The following PDE9A variants were observed in gnomAD, a reference collection of about 807,000 sequenced individuals.
PDE9A encodes phosphodiesterase 9A, also known as high affinity cGMP-specific 3',5'-cyclic phosphodiesterase 9A.
Under a neutral mutation model 87.4 loss-of-function variants are expected in PDE9A, and 60 were observed. The observed-to-expected ratio is 0.69, with a 90% CI of 0.56 to 0.85. The LOEUF (loss-of-function observed/expected upper bound fraction) is 0.85, where lower values mean the gene tolerates loss of function less well. PDE9A is among the 40% of genes least tolerant of loss of function. The pLI is 0.00. For synonymous variants in PDE9A, 272 were observed against 279.4 expected (o/e 0.97, Z 0.27); for missense variants, 665 against 779.0 (o/e 0.85, Z 1.74).
chr21:42,735,891 G>A (rs2052355087), intron 7 of PDE9A, among the ~76,000 whole-genome samples: 1 of 152,162 alleles, frequency 6.6e-6, no homozygotes, highest in Admixed American at 6.5e-5. Flanking sequence ...TCTGCACTGG[G>A]AGGCTGGCTC....
chr21:42,772,618 T>C (rs1270541439), intron 19 of PDE9A, 98 bp downstream of exon 19: 1 of 845,306 alleles, frequency 1.2e-6, no homozygotes, highest in African/African-American at 1.7e-5. Context: ...AATTTTGGAA[T>C]ACCTTTAAAT....
chr21:42,668,853 C>T (rs1019118769), intron 1 of PDE9A, among the ~76,000 whole-genome samples: 1 of 146,994 alleles, frequency 6.8e-6, no homozygotes, highest in Admixed American at 6.9e-5. Flanking sequence ...GAACATCCTC[C>T]GTCGGGAGAG....
chr21:42,758,333 T>C (rs2055294756), intron 10 of PDE9A: 2 of 152,060 alleles, frequency 1.3e-5, no homozygotes, highest in Admixed American at 1.3e-4. Flanking sequence ...AACAGGGATA[T>C]TGATAGAAGA....
intron 4 of PDE9A, among the ~76,000 whole-genome samples, chr21:42,701,781 G>C (rs1057157262): frequency 2.0e-5 from 3 of 152,138 alleles, no homozygotes; most frequent in Admixed American, 6.5e-5. Flanking sequence ...GAGAATTTTA[G>C]TTTCACAGTT....
Position 42,731,844 on chromosome 21 carries a change from G to A in PDE9A, c.337G>A (p.Gly113Ser). ...ACCACTGAGGGACAGACGGGTTGTG[G>A]GCCTGGAGCAGCCCCGGAGGGAAGG... ...ERPLRDRRVV[G>S]LEQPRREGAF... The change falls in exon 5 of 20, where the codon GGC becomes AGC. Residue 113 changes from glycine to serine, a missense_variant. Gly to Ser is a moderately conservative substitution (Grantham distance 56). Transcript: ENST00000291539. The A allele has an allele frequency of 6.2e-7, 1 of 1,614,202 alleles. No individual in the cohort carries two copies. The highest frequency in any genetic ancestry group is 1.1e-5 in the South Asian group (1 of 91,084).
intron 4 of PDE9A, among the ~76,000 whole-genome samples, chr21:42,700,500 C>T (rs2048297249): frequency 6.6e-6 from 1 of 152,180 alleles, no homozygotes; most frequent in Non-Finnish European, 1.5e-5. Context: ...TCTGACGTTT[C>T]TCTCACGACC....
rs527507881 is a variant in PDE9A, at chr21:42,722,101, G to A, written c.263-9669G>A. Among the ~76,000 whole-genome samples the A allele has an allele frequency of 4.6e-5, 7 of 151,934 alleles. No individual in the cohort carries two copies. The highest frequency in any genetic ancestry group is 2.1e-4 in the South Asian group (1 of 4,810). On this transcript the variant is annotated intron_variant, in intron 4 of 19. Coordinates refer to ENST00000291539, the MANE Select transcript of PDE9A (RefSeq NM_002606.3). The surrounding 1 kb of genome is among the most constrained non-coding windows in gnomAD (Gnocchi z 4.1). ...AGTGATTCTCCTGCCTCAGCCTCCC[G>A]AGTAGCTGGGATTACAGGCACGTAC...
chr21:42,740,443 CAAA>C (rs56151302), intron 7 of PDE9A, among the ~76,000 whole-genome samples: 1 of 114,094 alleles, frequency 8.8e-6, no homozygotes, highest in Non-Finnish European at 2.0e-5. Context: ...GCCCCTGTCT[CAAA>C]AAAAAAAAAA....
intron 1 of PDE9A, among the ~76,000 whole-genome samples, chr21:42,670,489 TAC>T (rs1004113603): frequency 1.3e-5 from 2 of 150,008 alleles, no homozygotes; most frequent in African/African-American, 4.9e-5. Context: ...CACATACACT[TAC>T]ACACGCACTC....
At position 42,735,270 on chromosome 21, in the gene PDE9A, T is replaced by C. The variant is rs545086257; in HGVS notation, c.568+1844T>C. ...CCCCCGGAGGCTCCACAACCACTTA[T>C]GCAGATATCAGGCTGCTTCTCCATG... On this transcript the variant is annotated intron_variant, in intron 7 of 19. Transcript: ENST00000291539. Among the ~76,000 whole-genome samples the C allele has an allele frequency of 2.6e-4, 40 of 152,318 alleles. No individual in the cohort carries two copies. The South Asian group carries it at 6.4e-3, about 24-fold the overall frequency.
chr21:42,765,664 A>G (rs1258681735), intron 15 of PDE9A, 170 bp downstream of exon 15: 2 of 630,556 alleles, frequency 3.2e-6, no homozygotes, highest in Admixed American at 2.4e-5. Flanking sequence ...AAGTCCGGGC[A>G]GGGCCTCCCT....
chr21:42,697,872 C>T (rs1057163411), intron 3 of PDE9A, among the ~76,000 whole-genome samples: 1 of 152,138 alleles, frequency 6.6e-6, no homozygotes, highest in Non-Finnish European at 1.5e-5. Context: ...GGTGCCTCAA[C>T]ATTCAGACCC....
rs1000235959 is a variant in PDE9A, at chr21:42,759,219, C to T, written c.897+134C>T. On this transcript the variant is annotated intron_variant, in intron 11 of 19. Coordinates refer to ENST00000291539, the MANE Select transcript of PDE9A (RefSeq NM_002606.3). This position sits in a 1 kb window ranked among gnomAD's most constrained non-coding sequence, Gnocchi z 7.2. ...CCTGTGAGCAGAGGTGACATTTCCC[C>T]GGGAGTTCTGTGAGGACACTCAGCC... The T allele has an allele frequency of 1.2e-4, 81 of 663,138 alleles. No individual in the cohort carries two copies. The highest frequency in any genetic ancestry group is 9.2e-4 in the South Asian group (52 of 56,764). 41.1% of individuals were successfully genotyped at this position (663,138 alleles called of 1,614,324 possible). A position where few individuals can be genotyped will look rare whatever the true frequency, so the allele number is the denominator to read the frequency against.
At chr21:42,685,315 G>A (rs1001749054) in intron 1 of PDE9A, among the ~76,000 whole-genome samples, 2 of 152,234 alleles carry the variant, frequency 1.3e-5, no homozygotes, top group African/African-American at 4.8e-5. Flanking sequence ...GGGAGCGAGC[G>A]CGGCCATCCC....
Position 42,723,134 on chromosome 21 carries a change from G to C in PDE9A, c.263-8636G>C, listed in dbSNP as rs555652341. ...GCTGGCAGCCCATAGGCCCCTCCTTGGTCCCTCTAGAGGTTTGCTTCATTC... is the reference window on the plus strand; with the variant it reads ...GCTGGCAGCCCATAGGCCCCTCCTTCGTCCCTCTAGAGGTTTGCTTCATTC... On this transcript the variant is annotated intron_variant, in intron 4 of 19. Coordinates refer to ENST00000291539, the MANE Select transcript of PDE9A (RefSeq NM_002606.3). This position sits in a 1 kb window ranked among gnomAD's most constrained non-coding sequence, Gnocchi z 4.3. Among the ~76,000 whole-genome samples, 16 of 152,194 alleles carry C rather than the reference G, an allele frequency of 1.1e-4. No individual in the cohort carries two copies. The highest frequency in any genetic ancestry group is 1.8e-4 in the Non-Finnish European group (12 of 68,034).
intron 1 of PDE9A, among the ~76,000 whole-genome samples, chr21:42,663,348 G>A (rs1478579966): frequency 4.6e-5 from 7 of 151,996 alleles, no homozygotes; most frequent in African/African-American, 1.5e-4. Context: ...CACCACACAC[G>A]CACAGTATGA....
Position 42,746,629 on chromosome 21 carries a change from A to C in PDE9A, c.653+2769A>C, listed in dbSNP as rs1253772940. On this transcript the variant is annotated intron_variant, in intron 8 of 19. Coordinates refer to ENST00000291539, the MANE Select transcript of PDE9A (RefSeq NM_002606.3). ...AAATGAGGTCACCCTCAGAGGCAGC[A>C]GGGTTAGGACTTCAACATACAACTT... Among the ~76,000 whole-genome samples, 22 of 152,248 alleles carry C rather than the reference A, an allele frequency of 1.4e-4. 1 individual carries two copies. Among genetic ancestry groups the C allele is most frequent in the Admixed American group, 1.4e-3 (22 of 15,290 alleles).
intron 8 of PDE9A, among the ~76,000 whole-genome samples, chr21:42,745,066 C>T (rs1450384142): frequency 2.6e-5 from 4 of 152,220 alleles, no homozygotes; most frequent in Non-Finnish European, 4.4e-5. Context: ...ACTGAGTTGT[C>T]TCAGAGCCAC....
In PDE9A at chr21:42,773,131, G is replaced by A. The variant is rs574040713; in HGVS notation, c.1768+611G>A. 8.6e-5 allele frequency among the ~76,000 whole-genome samples: 13 copies of A among 151,112 alleles called. No homozygotes were observed. The East Asian group carries it at 1.2e-3, about 14-fold the overall frequency. ...ACAAAAATTAGCCAGGTGTTGTGGC[G>A]TGCACCTGTAGTCCCAGCTACTTGG... is the stretch of plus-strand genomic sequence containing the variant. On this transcript the variant is annotated intron_variant, in intron 19 of 19. Coordinates refer to ENST00000291539, the MANE Select transcript of PDE9A (RefSeq NM_002606.3).
Sources: allele counts gnomAD v4.1 joint callset (sites outside exome capture counted in the v4.1 genomes callset), GRCh38; gene constraint gnomAD v4.1.1; non-coding constraint Gnocchi (gnomAD v3.1); transcripts MANE v1.5; gene names NCBI Gene and HGNC (gene_info 2026-07-23, HGNC 2026-07-21).